Variants in ACSBG1 observed in about 807,000 individuals in gnomAD.
ACSBG1 encodes acyl-CoA synthetase bubblegum family member 1.
A neutral mutation model predicts 80.2 loss-of-function variants in ACSBG1; 39 were observed. The ratio of observed to expected loss-of-function variants is 0.49; its 90% CI spans 0.38 to 0.64. ACSBG1 has a LOEUF of 0.64. ACSBG1 is among the 30% of genes least tolerant of loss of function. ACSBG1 has a pLI of 0.00. For missense variants in ACSBG1, 828 were observed against 966.4 expected (o/e 0.86, Z 1.90); for synonymous variants, 392 against 379.5 (o/e 1.03, Z -0.38).
At chr15:78,211,353 G>A (rs2075265760) in intron 1 of ACSBG1, among the ~76,000 whole-genome samples, 1 of 152,256 alleles carries the variant, frequency 6.6e-6, no homozygotes, top group African/African-American at 2.4e-5. Context: ...ATACTCCAGA[G>A]GTTGGCGGAA....
At chr15:78,201,038 T>A (rs892704310) in intron 2 of ACSBG1, among the ~76,000 whole-genome samples, 1 of 152,132 alleles carries the variant, frequency 6.6e-6, no homozygotes, top group African/African-American at 2.4e-5. Context: ...TGCCCTTCCC[T>A]CCATCACATG....
chr15:78,231,368 T>C (rs775849692), intron 1 of ACSBG1, among the ~76,000 whole-genome samples: 2 of 151,608 alleles, frequency 1.3e-5, no homozygotes, highest in Non-Finnish European at 2.9e-5. Flanking sequence ...TGACCTCAGG[T>C]GATCTGCCCA....
At chr15:78,186,426 A>T (rs561610052) in intron 5 of ACSBG1, among the ~76,000 whole-genome samples, 27 of 152,352 alleles carry the variant, frequency 1.8e-4, no homozygotes, top group Middle Eastern at 3.4e-3. Context: ...AGTTGGAAGT[A>T]AAGCTCTCCT....
rs1005711377 is a variant in ACSBG1, at chr15:78,169,148, G to A, written c.*2296C>T. On this transcript the variant is annotated 3_prime_UTR_variant, in exon 14 of 14. Coordinates refer to ENST00000258873, the MANE Select transcript of ACSBG1 (RefSeq NM_015162.5). Reference sequence around the variant, plus strand: ...ATCTGGCCTTTTCTTAACAAAATCTGTGCAAAAGATGCAGGTGGATGTCCC... The same window carrying A: ...ATCTGGCCTTTTCTTAACAAAATCTATGCAAAAGATGCAGGTGGATGTCCC... 3 of 495,464 alleles carry A rather than the reference G, an allele frequency of 6.1e-6. No homozygotes were observed. The highest frequency in any genetic ancestry group is 3.9e-5 in the African/African-American group (2 of 51,516). The allele number at this position is 495,464 out of a possible 1,614,324, so 30.7% of individuals were successfully genotyped here.
rs1567094817 is a variant in ACSBG1, at chr15:78,212,418, G to C, written c.132-4316C>G. The C allele has an allele frequency of 1.1e-5, 4 of 379,012 alleles. No individual in the cohort carries two copies. The Admixed American group carries it at 1.2e-4, about 12-fold the overall frequency. The allele number at this position is 379,012 out of a possible 1,614,324, so 23.5% of individuals were successfully genotyped here. A position where few individuals can be genotyped will look rare whatever the true frequency, so the allele number is the denominator to read the frequency against. ...AAGAAAAGGATAACTTGGCAAGATT[G>C]AGAGGGTGACCAGCAGAATGAAAAA... On this transcript the variant is annotated intron_variant, in intron 1 of 13. Coordinates refer to ENST00000258873, the MANE Select transcript of ACSBG1 (RefSeq NM_015162.5).
intron 11 of ACSBG1, among the ~76,000 whole-genome samples, chr15:78,176,136 G>A (rs1347755430): frequency 6.6e-6 from 1 of 152,016 alleles, no homozygotes; most frequent in African/African-American, 2.4e-5. Flanking sequence ...TCGAATTCCT[G>A]AGCTCAAGCA....
At chr15:78,184,208 T>G (rs954739875) in intron 5 of ACSBG1, among the ~76,000 whole-genome samples, 7 of 152,196 alleles carry the variant, frequency 4.6e-5, no homozygotes, top group Admixed American at 6.5e-5. Context: ...TTTGTTTTGT[T>G]TTGGAGACAG....
At chr15:78,207,771 T>G in intron 2 of ACSBG1, 2 of 546,118 alleles carry the variant, frequency 3.7e-6, no homozygotes, top group Non-Finnish European at 6.6e-6. Context: ...CCCAGCTTTC[T>G]TGAAGAAGAA....
chr15:78,182,058 G>A lies in ACSBG1; in HGVS notation c.982C>T (p.Leu328Phe). 1 of 1,613,988 alleles carries A rather than the reference G, an allele frequency of 6.2e-7. No individual in the cohort carries two copies. Among genetic ancestry groups the A allele is most frequent in the Non-Finnish European group, 8.5e-7 (1 of 1,180,018 alleles). The stretch of plus-strand genomic sequence containing the variant: ...TAGATCTGGGCGGCAATATGGCTGA[G>A]GGGCAGGTAGCTGACTACCACCTCC... ...QQEVVVSYLP[L>F]SHIAAQIYDL... Residue 328 changes from leucine to phenylalanine, a missense_variant, in exon 8 of 14, where the codon CTC (leucine) becomes TTC (phenylalanine). Physicochemically the swap from Leu to Phe is conservative, Grantham distance 22 (BLOSUM62 0). Coordinates refer to ENST00000258873, the MANE Select transcript of ACSBG1 (RefSeq NM_015162.5).
At chr15:78,182,412 G>A (rs553145367) in intron 7 of ACSBG1, 54 bp downstream of exon 7, 7 of 1,600,000 alleles carry the variant, frequency 4.4e-6, no homozygotes, top group Non-Finnish European at 6.0e-6. Flanking sequence ...CCATGGCCCA[G>A]ATCCACCCAT....
chr15:78,195,615 G>A (rs2075106667), intron 2 of ACSBG1, among the ~76,000 whole-genome samples: 1 of 152,190 alleles, frequency 6.6e-6, no homozygotes, highest in African/African-American at 2.4e-5. Context: ...AGGATCAAGA[G>A]AAAGGGTGTA....
intron 5 of ACSBG1, among the ~76,000 whole-genome samples, chr15:78,190,635 T>C (rs2075048852): frequency 6.6e-6 from 1 of 151,552 alleles, no homozygotes; most frequent in Non-Finnish European, 1.5e-5. Context: ...ATAACAATGT[T>C]TGTGGGGTTT....
intron 3 of ACSBG1, 56 bp from the exon 4 acceptor site, chr15:78,194,076 G>A: frequency 1.9e-6 from 3 of 1,555,908 alleles, no homozygotes; most frequent in Non-Finnish European, 2.7e-6. Context: ...GGACCCTCAT[G>A]CCCCTCTCAG....
rs960374738 is a variant in ACSBG1 at position 78,177,367 on chromosome 15, C to A, written c.1702+1247G>T. 6.6e-6 allele frequency among the ~76,000 whole-genome samples: 1 copy of A among 152,218 alleles called. No homozygotes were observed. Among genetic ancestry groups the A allele is most frequent in the Non-Finnish European group, 1.5e-5 (1 of 68,042 alleles). On this transcript the variant is annotated intron_variant, in intron 11 of 13. Coordinates refer to ENST00000258873, the MANE Select transcript of ACSBG1 (RefSeq NM_015162.5). This position sits in a 1 kb window ranked among gnomAD's most constrained non-coding sequence, Gnocchi z 4.1. ...CACTTCATAAAGGACAAAGGTATCA[C>A]TGCAAGGCCATGGGGAAAGGATGCT... is the stretch of plus-strand genomic sequence containing the variant.
At chr15:78,202,002 A>G (rs974845150) in intron 2 of ACSBG1, among the ~76,000 whole-genome samples, 5 of 152,286 alleles carry the variant, frequency 3.3e-5, no homozygotes, top group African/African-American at 1.2e-4. Flanking sequence ...AGCCACTTGC[A>G]GAGATCAGGA....
intron 1 of ACSBG1, among the ~76,000 whole-genome samples, chr15:78,211,940 C>T (rs2075270330): frequency 6.6e-6 from 1 of 152,206 alleles, no homozygotes; most frequent in African/African-American, 2.4e-5. Flanking sequence ...GCTCTGTCCT[C>T]TGGCCATGAG....
Position 78,178,995 on chromosome 15 carries a change from C to A in ACSBG1, c.1485-164G>T. ...GGGACTTACAGCTGAAAGGTAGAGC[C>A]AAGTAAAGGGTTTTAGGGAATGAAG... On this transcript the variant is annotated intron_variant, in intron 10 of 13. Coordinates refer to ENST00000258873, the MANE Select transcript of ACSBG1 (RefSeq NM_015162.5). The surrounding 1 kb of genome is among the most constrained non-coding windows in gnomAD (Gnocchi z 4.3). The A allele has an allele frequency of 3.0e-6, 2 of 659,392 alleles. No homozygotes were observed. Among genetic ancestry groups the A allele is most frequent in the South Asian group, 4.0e-5 (2 of 50,430 alleles). The allele number at this position is 659,392 out of a possible 1,614,324, so 40.8% of individuals were successfully genotyped here.
At chr15:78,207,837 G>A in intron 2 of ACSBG1, 165 bp downstream of exon 2, 1 of 616,432 alleles carries the variant, frequency 1.6e-6, no homozygotes, top group Admixed American at 2.7e-5. Context: ...CAGCCATGAA[G>A]GAAGGGGCTT....
chr15:78,219,590 T>C (rs565417925), intron 1 of ACSBG1, among the ~76,000 whole-genome samples: 1 of 152,322 alleles, frequency 6.6e-6, no homozygotes, highest in Non-Finnish European at 1.5e-5. Flanking sequence ...AAGATGGTAA[T>C]GCTCTCCAAA....
Sources: gnomAD v4.1 joint callset for allele counts (sites outside exome capture counted in the v4.1 genomes callset) on GRCh38, gnomAD v4.1.1 for gene constraint, Gnocchi (gnomAD v3.1) non-coding constraint, MANE v1.5 for transcripts, NCBI Gene and HGNC (gene_info 2026-07-23, HGNC 2026-07-21) for gene names.